The following IDS variants were observed in gnomAD, a reference collection of about 807,000 sequenced individuals.
IDS encodes the protein iduronate 2-sulfatase, also known as alpha-L-iduronate sulfate sulfatase.
Under a neutral mutation model 33.5 loss-of-function variants are expected in IDS, and 1 was observed. That is an observed-to-expected ratio of 0.03 (90% CI 0.01 to 0.14). The LOEUF is 0.14. Ranked by LOEUF, IDS falls within the 10% of genes least tolerant of loss-of-function variation. The pLI is 1.00. For synonymous variants in IDS, 191 were observed against 184.4 expected (o/e 1.04, Z -0.29); for missense variants, 328 against 448.0 (o/e 0.73, Z 2.42).
At chrX:149,483,554 A>G (rs1447779550) in intron 8 of IDS, among the ~76,000 whole-genome samples, 1 of 111,861 alleles carries the variant, frequency 8.9e-6, no homozygotes, top group African/African-American at 3.3e-5. Flanking sequence ...TCTGTTGAGG[A>G]ACAGGATATT....
rs781893982 is a variant in IDS, at chrX:149,481,664, T to G, written c.*1082A>C. ...TTGAGATTATATACACTAAGCTTTT[T>G]ACTACCACTGGCCTTTCTGGATACT... On this transcript the variant is annotated 3_prime_UTR_variant, in exon 9 of 9. Transcript: ENST00000340855. 2.7e-5 allele frequency: 3 copies of G among 112,459 alleles called. No individual in the cohort carries two copies. Among genetic ancestry groups the G allele is most frequent in the South Asian group, 3.7e-4 (1 of 2,724 alleles). The allele number at this position is 112,459 out of a possible 1,213,427, so 9.3% of individuals were successfully genotyped here.
chrX:149,489,598 A>G (rs1428690462), intron 7 of IDS, among the ~76,000 whole-genome samples: 4 of 111,962 alleles, frequency 3.6e-5, no homozygotes, highest in Non-Finnish European at 7.5e-5. Context: ...TTCTCTAAGT[A>G]TAACAGTATT....
chrX:149,477,388 C>A lies in IDS; in HGVS notation c.*5358G>T, dbSNP rs1430086034. 1.8e-5 allele frequency: 2 copies of A among 112,542 alleles called. No homozygotes were observed. The highest frequency in any genetic ancestry group is 3.2e-5 in the African/African-American group (1 of 30,858). 9.3% of individuals were successfully genotyped at this position (112,542 alleles called of 1,213,427 possible). A position where few individuals can be genotyped will look rare whatever the true frequency, so the allele number is the denominator to read the frequency against. ...TCATTGGCAGTGGGAGCCCTCTTGC[C>A]TGGGCCGTCACATTACTCAGAGCCA... is the stretch of plus-strand genomic sequence containing the variant. On this transcript the variant is annotated 3_prime_UTR_variant, in exon 9 of 9. Transcript: ENST00000340855.
intron 3 of IDS, 68 bp downstream of exon 3, chrX:149,503,244 C>T (rs2089494779): frequency 8.5e-7 from 1 of 1,176,302 alleles, no homozygotes; most frequent in Non-Finnish European, 1.1e-6. Context: ...GCCCCATCCC[C>T]AGGATGGGAA....
Position 149,477,200 on chromosome X carries a change from C to A in IDS, c.*5546G>T, listed in dbSNP as rs2089271496. ...GGGTTTGTAAATGGCAGCTTCAGTC[C>A]TACTCCAAACCTTCTCACCCATATA... On this transcript the variant is annotated 3_prime_UTR_variant, in exon 9 of 9. Transcript: ENST00000340855. 1 of 112,338 alleles carries A rather than the reference C, an allele frequency of 8.9e-6. No individual in the cohort carries two copies. The highest frequency in any genetic ancestry group is 1.9e-5 in the Non-Finnish European group (1 of 53,255). The allele number at this position is 112,338 out of a possible 1,213,427, so 9.3% of individuals were successfully genotyped here. A position where few individuals can be genotyped will look rare whatever the true frequency, so the allele number is the denominator to read the frequency against.
chrX:149,490,069 GA>G (rs1270375402), intron 7 of IDS, among the ~76,000 whole-genome samples: 28 of 99,339 alleles, frequency 2.8e-4, no homozygotes, highest in Admixed American at 3.3e-4. Flanking sequence ...CATTCATCAA[GA>G]AAAAAAAAAA....
At chrX:149,493,678 G>A (rs148700563) in intron 6 of IDS, among the ~76,000 whole-genome samples, 1,442 of 110,831 alleles carry the variant, frequency 0.013, 25 homozygotes, top group African/African-American at 0.043. Context: ...AAGAGGCCTC[G>A]AGCCCAGAAC....
At chrX:149,486,318 G>A (rs1487282350) in intron 8 of IDS, among the ~76,000 whole-genome samples, 1 of 111,991 alleles carries the variant, frequency 8.9e-6, no homozygotes, top group East Asian at 2.8e-4. Flanking sequence ...TCAGCCTAGA[G>A]AAGAGAAGAT....
rs1306829172 is a variant in IDS, at chrX:149,480,923, G to A, written c.*1823C>T. ...ACCACATGAAAGAACCCCTGCTCAT[G>A]TGAAAGAGAGATTTCTACAAATAAA... On this transcript the variant is annotated 3_prime_UTR_variant, in exon 9 of 9. Coordinates refer to ENST00000340855, the MANE Select transcript of IDS (RefSeq NM_000202.8). The A allele has an allele frequency of 8.9e-6, 1 of 112,198 alleles. No individual in the cohort carries two copies. Among genetic ancestry groups the A allele is most frequent in the African/African-American group, 3.2e-5 (1 of 30,871 alleles). 9.2% of individuals were successfully genotyped at this position (112,198 alleles called of 1,213,427 possible).
intron 6 of IDS, among the ~76,000 whole-genome samples, chrX:149,495,860 C>T (rs1557339237): frequency 8.9e-6 from 1 of 112,351 alleles, no homozygotes; most frequent in African/African-American, 3.2e-5. Flanking sequence ...ATGATGGTGT[C>T]CCAGTTCCCT....
chrX:149,490,173 C>A, intron 7 of IDS, 141 bp downstream of exon 7: 2 of 555,372 alleles, frequency 3.6e-6, no homozygotes, highest in Non-Finnish European at 6.0e-6. Context: ...CATAAAAATG[C>A]CCCAGGATCC....
At chrX:149,504,798 C>T (rs782481174) in intron 1 of IDS, among the ~76,000 whole-genome samples, 1 of 102,200 alleles carries the variant, frequency 9.8e-6, no homozygotes, top group Non-Finnish European at 2.0e-5. Context: ...GGAAGGGAAG[C>T]ACGGAGGGAT....
At position 149,498,998 on chromosome X, in the gene IDS, C is replaced by A. The variant is rs782659738; in HGVS notation, c.508-691G>T. On this transcript the variant is annotated intron_variant, in intron 4 of 8. Coordinates refer to ENST00000340855, the MANE Select transcript of IDS (RefSeq NM_000202.8). ...TCCTAATAGTCAAAAGTAGAAACAA[C>A]CCAAATATCCATCAAGTGATGAACT... Among the ~76,000 whole-genome samples, 5 of 112,238 alleles carry A rather than the reference C, an allele frequency of 4.5e-5. No homozygotes were observed. The South Asian group carries it at 1.8e-3, about 41-fold the overall frequency.
chrX:149,504,976 AGGAGGAAGGAAG>A (rs1337117260), intron 1 of IDS, 47 bp downstream of exon 1: 5 of 825,670 alleles, frequency 6.1e-6, no homozygotes, highest in African/African-American at 4.3e-5. Context: ...GAAAGAAGGA[AGGAGGAAGGAAG>A]GGAGGGAGGA....
intron 6 of IDS, among the ~76,000 whole-genome samples, chrX:149,495,100 A>G (rs1004376827): frequency 8.9e-6 from 1 of 112,100 alleles, no homozygotes; most frequent in African/African-American, 3.3e-5. Context: ...CCACACATGA[A>G]TCAGCGCCCT....
rs1460611611 is a variant in IDS at position 149,478,395 on chromosome X, C to T, written c.*4351G>A. 9.0e-6 allele frequency: 1 copy of T among 111,328 alleles called. No individual in the cohort carries two copies. The highest frequency in any genetic ancestry group is 1.9e-5 in the Non-Finnish European group (1 of 53,038). 9.2% of individuals were successfully genotyped at this position (111,328 alleles called of 1,213,427 possible). ...CTGGTGGATGAATGGATAAGCGGAACGTGGTACATACATTTCAGTCCAAAA... is the reference window on the plus strand; with the variant it reads ...CTGGTGGATGAATGGATAAGCGGAATGTGGTACATACATTTCAGTCCAAAA... On this transcript the variant is annotated 3_prime_UTR_variant, in exon 9 of 9. Transcript: ENST00000340855.
At chrX:149,504,567 GA>G (rs2089508523) in intron 1 of IDS, among the ~76,000 whole-genome samples, 1 of 110,549 alleles carries the variant, frequency 9.0e-6, no homozygotes, top group Non-Finnish European at 1.9e-5. Context: ...ATGAATTTAG[GA>G]AAAAAAGAGA....
intron 1 of IDS, 60 bp from the exon 2 acceptor site, chrX:149,504,353 T>C: frequency 2.7e-6 from 3 of 1,111,742 alleles, no homozygotes; most frequent in Non-Finnish European, 3.7e-6. Context: ...CCCTCCCTCA[T>C]GGTAGGTGCT....
intron 3 of IDS, 89 bp from the exon 4 acceptor site, chrX:149,501,126 T>A: frequency 3.4e-6 from 2 of 590,957 alleles, no homozygotes; most frequent in Non-Finnish European, 5.7e-6. Context: ...AATGGGCAAG[T>A]GGAACCTCCC....
Sources: allele counts gnomAD v4.1 joint callset (sites outside exome capture counted in the v4.1 genomes callset), GRCh38; gene constraint gnomAD v4.1.1; transcripts MANE v1.5; gene names NCBI Gene and HGNC (gene_info 2026-07-23, HGNC 2026-07-21).